Variants in NT5DC1 observed in about 807,000 individuals in gnomAD.
NT5DC1 encodes 5'-nucleotidase domain-containing protein 1.
Under a neutral mutation model 59.4 loss-of-function variants are expected in NT5DC1, and 42 were observed. The ratio of observed to expected loss-of-function variants is 0.71; its 90% CI spans 0.55 to 0.92. The LOEUF (loss-of-function observed/expected upper bound fraction) is 0.92, where lower values mean the gene tolerates loss of function less well. Among genes scored for constraint, NT5DC1 ranks in the 40% least tolerant of loss-of-function variants. NT5DC1 has a pLI of 0.00. For synonymous variants in NT5DC1, 172 were observed against 188.1 expected, an observed-to-expected ratio of 0.91 and a Z score of 0.70; for missense variants, 501 against 537.1, an observed-to-expected ratio of 0.93 and a Z score of 0.66.
intron 6 of NT5DC1, among the ~76,000 whole-genome samples, chr6:116,219,111 G>T (rs1019221536): frequency 7.2e-5 from 11 of 152,060 alleles, no homozygotes; most frequent in African/African-American, 2.7e-4. Flanking sequence ...AGTCATGATC[G>T]TGCCACACTG....
intron 6 of NT5DC1, among the ~76,000 whole-genome samples, chr6:116,130,635 C>T (rs1055173882): frequency 2.6e-5 from 4 of 152,044 alleles, no homozygotes. Context: ...TAGTGAACAG[C>T]TAAGAAACGT....
intron 4 of NT5DC1, among the ~76,000 whole-genome samples, chr6:116,113,411 T>G (rs1778914618): frequency 6.6e-6 from 1 of 152,178 alleles, no homozygotes; most frequent in African/African-American, 2.4e-5. Flanking sequence ...AACTTAATGG[T>G]TATAGGACTT....
intron 2 of NT5DC1, among the ~76,000 whole-genome samples, chr6:116,107,285 G>C (rs1479858296): frequency 6.7e-6 from 1 of 149,280 alleles, no homozygotes. Flanking sequence ...TAACATTTTT[G>C]TAAAAGGAAG....
rs199827970 is a variant in NT5DC1 at position 116,135,834 on chromosome 6, GATATATATATATATATAT to G, written c.529+17911_529+17928del. On this transcript the variant is annotated intron_variant, in intron 6 of 11. Transcript: ENST00000319550. The stretch of plus-strand genomic sequence containing the variant: ...ATTTATGGTATACAATATATTTTCA[GATATATATATATATATAT>G]ATATATATATATATATATATACACA... Among the ~76,000 whole-genome samples, 348 of 102,358 alleles carry G rather than the reference GATATATATATATATATAT, an allele frequency of 3.4e-3. 3 individuals carry two copies. Among genetic ancestry groups the G allele is most frequent in the African/African-American group, 0.013 (336 of 25,956 alleles). The allele number at this position is 102,358 out of a possible 152,430, so 67.2% of individuals were successfully genotyped here. A position where few individuals can be genotyped will look rare whatever the true frequency, so the allele number is the denominator to read the frequency against.
chr6:116,245,735 T>C lies in NT5DC1; in HGVS notation c.*1711T>C, dbSNP rs903887675. On this transcript the variant is annotated 3_prime_UTR_variant, in exon 12 of 12. Coordinates refer to ENST00000319550, the MANE Select transcript of NT5DC1 (RefSeq NM_152729.3). ...TGGCAAATAATACATCTTTAAATGC[T>C]TATGAACTACTGTTAATATGAAAAA... 6.6e-6 allele frequency: 1 copy of C among 152,160 alleles called. No homozygotes were observed. The highest frequency in any genetic ancestry group is 2.4e-5 in the African/African-American group (1 of 41,448). 9.4% of individuals were successfully genotyped at this position (152,160 alleles called of 1,614,324 possible).
At chr6:116,178,078 TGTGTGTGTGTGCGCGCGCGCGCGCGTGC>T (rs1006540779) in intron 6 of NT5DC1, among the ~76,000 whole-genome samples, 3 of 111,264 alleles carry the variant, frequency 2.7e-5, no homozygotes, top group Non-Finnish European at 5.6e-5. Context: ...TGTGTGTGTG[TGTGTGTGTGTGCGCGCGCGCGCGCGTGC>T]GTGCGTGTGT....
chr6:116,151,191 T>C (rs1449928703), intron 6 of NT5DC1, among the ~76,000 whole-genome samples: 1 of 152,182 alleles, frequency 6.6e-6, no homozygotes, highest in Non-Finnish European at 1.5e-5. Flanking sequence ...CCAACTTCAG[T>C]GCCTGCACCA....
intron 6 of NT5DC1, among the ~76,000 whole-genome samples, chr6:116,212,221 A>G (rs974564770): frequency 5.5e-5 from 8 of 145,026 alleles, no homozygotes; most frequent in African/African-American, 2.0e-4. Flanking sequence ...TTCTTTTGTT[A>G]TCATGGAGTA....
At position 116,112,794 on chromosome 6, in the gene NT5DC1, T is replaced by C. The variant is rs149782351; in HGVS notation, c.364+1838T>C. On this transcript the variant is annotated intron_variant, in intron 4 of 11. Transcript: ENST00000319550. ...CCTAGAAGTATACTTGCTCTAAAGA[T>C]ATACAGGTTTAAAATTTTGGTAAAT... Among the ~76,000 whole-genome samples the C allele has an allele frequency of 4.3e-3, 662 of 152,348 alleles. 3 individuals carry two copies. Among genetic ancestry groups the C allele is most frequent in the Non-Finnish European group, 6.6e-3 (447 of 68,024 alleles).
intron 6 of NT5DC1, among the ~76,000 whole-genome samples, chr6:116,122,429 GAAC>G (rs1779159511): frequency 1.3e-5 from 2 of 152,184 alleles, no homozygotes; most frequent in Non-Finnish European, 2.9e-5. Context: ...TGCCTCTGCT[GAAC>G]ACAGGTTAGA....
At chr6:116,121,156 A>G (rs983575729) in intron 6 of NT5DC1, 1 of 1,612,794 alleles carries the variant, frequency 6.2e-7, no homozygotes, top group Non-Finnish European at 8.5e-7. Context: ...CCCCTTTGGC[A>G]CCTGGACCCC....
chr6:116,210,851 A>G (rs2114525878), intron 6 of NT5DC1, among the ~76,000 whole-genome samples: 1 of 152,174 alleles, frequency 6.6e-6, no homozygotes, highest in South Asian at 2.1e-4. Flanking sequence ...AGAGTTAGAT[A>G]TGAACAGAAA....
At chr6:116,195,840 A>C (rs1161349010) in intron 6 of NT5DC1, among the ~76,000 whole-genome samples, 1 of 152,006 alleles carries the variant, frequency 6.6e-6, no homozygotes, top group African/African-American at 2.4e-5. Flanking sequence ...GACCAAAGAG[A>C]TGCTATTTTC....
chr6:116,120,021 G>C (rs1326936448), intron 6 of NT5DC1: 10 of 1,446,834 alleles, frequency 6.9e-6, no homozygotes, highest in Admixed American at 3.4e-5. Context: ...GGGTGGGGTA[G>C]AGTTAGAGAA....
chr6:116,203,940 C>T (rs1195854491), intron 6 of NT5DC1, among the ~76,000 whole-genome samples: 2 of 151,682 alleles, frequency 1.3e-5, no homozygotes, highest in African/African-American at 4.8e-5. Context: ...TAGAGAACAC[C>T]AGTAGTTTTA....
chr6:116,240,485 T>C (rs1338890567), intron 11 of NT5DC1, among the ~76,000 whole-genome samples: 1 of 152,188 alleles, frequency 6.6e-6, no homozygotes, highest in South Asian at 2.1e-4. Context: ...ATGCACAGGC[T>C]TTGGTATCCA....
chr6:116,152,376 G>A (rs1318293317), intron 6 of NT5DC1, among the ~76,000 whole-genome samples: 3 of 151,954 alleles, frequency 2.0e-5, no homozygotes, highest in Non-Finnish European at 4.4e-5. Flanking sequence ...TCACCGTGAG[G>A]TAGATTCCCT....
intron 6 of NT5DC1, among the ~76,000 whole-genome samples, chr6:116,199,621 T>C (rs545321017): frequency 6.6e-6 from 1 of 152,200 alleles, no homozygotes; most frequent in African/African-American, 2.4e-5. Flanking sequence ...GCAGGAAATA[T>C]ACAAGATGAC....
chr6:116,236,517 C>T (rs900282475), intron 8 of NT5DC1, among the ~76,000 whole-genome samples: 1 of 152,160 alleles, frequency 6.6e-6, no homozygotes, highest in Non-Finnish European at 1.5e-5. Flanking sequence ...ATTTGAGGCA[C>T]CAAGGGTGCA....
Sources: allele counts gnomAD v4.1 joint callset (sites outside exome capture counted in the v4.1 genomes callset), GRCh38; gene constraint gnomAD v4.1.1; transcripts MANE v1.5; gene names NCBI Gene and HGNC (gene_info 2026-07-23, HGNC 2026-07-21).